The following SOD2 variants were observed in gnomAD, a reference collection of about 807,000 sequenced individuals.
SOD2 encodes the protein superoxide dismutase 2.
Under a neutral mutation model 27.0 loss-of-function variants are expected in SOD2, and 11 were observed. That is an observed-to-expected ratio of 0.41 (90% CI 0.26 to 0.67). The LOEUF is 0.67. Among genes scored for constraint, SOD2 ranks in the 30% least tolerant of loss-of-function variants. The pLI, the probability that SOD2 is intolerant of heterozygous loss-of-function variation, is 0.34. For missense variants in SOD2, 250 were observed against 274.5 expected (o/e 0.91, Z 0.63); for synonymous variants, 105 against 103.0 (o/e 1.02, Z -0.12).
rs1327642965 is a variant in SOD2, at chr6:159,676,904, TCAATGTTCTTTCCATGCCCACA to T, written c.*5567_*5588del. 1 of 151,912 alleles carries T rather than the reference TCAATGTTCTTTCCATGCCCACA, an allele frequency of 6.6e-6. No individual in the cohort carries two copies. Among genetic ancestry groups the T allele is most frequent in the Non-Finnish European group, 1.5e-5 (1 of 68,002 alleles). The allele number at this position is 151,912 out of a possible 1,614,324, so 9.4% of individuals were successfully genotyped here. A position where few individuals can be genotyped will look rare whatever the true frequency, so the allele number is the denominator to read the frequency against. On this transcript the variant is annotated 3_prime_UTR_variant, in exon 5 of 5. Coordinates refer to ENST00000538183, the MANE Select transcript of SOD2 (RefSeq NM_000636.4). ...GGACCCAGGTCTTCCAGTACCTAAT[TCAATGTTCTTTCCATGCCCACA>T]CAAAGGCAAGCAGCAGAAGGAGGAG...
At chr6:159,708,006 A>G (rs1777660354) in intron 1 of SOD2, among the ~76,000 whole-genome samples, 1 of 152,236 alleles carries the variant, frequency 6.6e-6, no homozygotes. Context: ...AAACAGAACC[A>G]AAGACAAAAA....
upstream of SOD2, chr6:159,748,135 C>G (rs544726322): frequency 3.3e-5 from 51 of 1,534,606 alleles, no homozygotes; most frequent in African/African-American, 6.5e-4. The surrounding 1 kb of genome is among the most constrained non-coding windows in gnomAD (Gnocchi z 5.6). Flanking sequence ...TTTTCCCCAC[C>G]TTCTTATGTA....
upstream of SOD2, among the ~76,000 whole-genome samples, chr6:159,729,252 G>A (rs914259634): frequency 5.9e-5 from 9 of 152,312 alleles, no homozygotes; most frequent in Admixed American, 1.3e-4. Context: ...TTGTACGTTA[G>A]TTAGTAGGTC....
intron 1 of SOD2, among the ~76,000 whole-genome samples, chr6:159,724,177 A>G (rs1778095130): frequency 6.6e-6 from 1 of 151,800 alleles, no homozygotes; most frequent in African/African-American, 2.4e-5. Context: ...TAAAAAATGG[A>G]GACAGGGTCT....
chr6:159,726,789 A>G (rs1220697341), intron 1 of SOD2: 1 of 1,289,096 alleles, frequency 7.8e-7, no homozygotes, highest in Non-Finnish European at 1.0e-6. Context: ...CCCAGCGGCC[A>G]GGAGACTGCG....
At chr6:159,711,613 A>C (rs1777770635) in intron 1 of SOD2, among the ~76,000 whole-genome samples, 1 of 122,400 alleles carries the variant, frequency 8.2e-6, no homozygotes, top group Non-Finnish European at 1.8e-5. Context: ...CTCCATAACC[A>C]CCACTCAGCT....
At chr6:159,719,726 A>ATTT (rs1397533301) in intron 1 of SOD2, among the ~76,000 whole-genome samples, 2 of 89,716 alleles carry the variant, frequency 2.2e-5, no homozygotes, top group East Asian at 3.0e-4. Context: ...TTTTTCTTTT[A>ATTT]TTTTCTTTTT....
At position 159,675,060 on chromosome 6, in the gene SOD2, A is replaced by C. The variant is rs1440113398; in HGVS notation, c.*7433T>G. The stretch of plus-strand genomic sequence containing the variant: ...TACAAGGGATGTGAAGGACCTCTTC[A>C]AGGAGAACTACAAACCACTGCTCAA... On this transcript the variant is annotated 3_prime_UTR_variant, in exon 5 of 5. Transcript: ENST00000538183. 6.6e-6 allele frequency: 1 copy of C among 152,186 alleles called. No individual in the cohort carries two copies. Among genetic ancestry groups the C allele is most frequent in the Admixed American group, 6.6e-5 (1 of 15,264 alleles). 9.4% of individuals were successfully genotyped at this position (152,186 alleles called of 1,614,324 possible). A position where few individuals can be genotyped will look rare whatever the true frequency, so the allele number is the denominator to read the frequency against.
chr6:159,710,067 T>C (rs1415098510), intron 1 of SOD2, among the ~76,000 whole-genome samples: 3 of 128,846 alleles, frequency 2.3e-5, no homozygotes, highest in Non-Finnish European at 4.7e-5. Context: ...AATTGAACAA[T>C]TGAACTTGGA....
At chr6:159,731,897 A>G (rs767058065), upstream of SOD2, among the ~76,000 whole-genome samples, 25 of 152,176 alleles carry the variant, frequency 1.6e-4, no homozygotes, top group Admixed American at 3.9e-4. Flanking sequence ...TTAAAAACAG[A>G]TTATCATCTC....
intron 1 of SOD2, among the ~76,000 whole-genome samples, chr6:159,753,964 A>G (rs1779914125): frequency 1.3e-5 from 2 of 152,196 alleles, no homozygotes; most frequent in Non-Finnish European, 2.9e-5. Flanking sequence ...GTTAAGTGTA[A>G]ATCTTAGAAA....
intron 1 of SOD2, among the ~76,000 whole-genome samples, chr6:159,733,963 A>G (rs977296269): frequency 6.6e-6 from 1 of 152,230 alleles, no homozygotes; most frequent in African/African-American, 2.4e-5. Flanking sequence ...GTAATCTAAG[A>G]TCAATTTATG....
In SOD2 at chr6:159,692,657, C is replaced by A; in HGVS notation, c.226+4G>T. On this transcript the variant is annotated splice_donor_region_variant and intron_variant, in intron 2 of 4. Coordinates refer to ENST00000538183, the MANE Select transcript of SOD2 (RefSeq NM_000636.4). Reference sequence around the variant, plus strand: ...TGCCTCCCGCCGCTCAGCCTGGAACCTACCCTTGGCCAACGCCTCCTGGTA... The same window carrying A: ...TGCCTCCCGCCGCTCAGCCTGGAACATACCCTTGGCCAACGCCTCCTGGTA... 2 of 1,613,836 alleles carry A rather than the reference C, an allele frequency of 1.2e-6. No individual in the cohort carries two copies. Among genetic ancestry groups the A allele is most frequent in the South Asian group, 2.2e-5 (2 of 91,020 alleles).
chr6:159,726,578 G>T, intron 1 of SOD2: 1 of 347,030 alleles, frequency 2.9e-6, no homozygotes, highest in East Asian at 8.1e-5. Flanking sequence ...CCATTACTCG[G>T]CGGTCCAGAT....
intron 1 of SOD2, among the ~76,000 whole-genome samples, chr6:159,700,184 A>G (rs540398461): frequency 6.6e-6 from 1 of 152,380 alleles, no homozygotes; most frequent in East Asian, 1.9e-4. Context: ...AACATATTTA[A>G]GAGTGGGACA....
Position 159,702,693 on chromosome 6 carries a change from AAAG to A in SOD2, c.-115-9833_-115-9831del, listed in dbSNP as rs1202297039. On this transcript the variant is annotated intron_variant, in intron 1 of 2. Transcript: ENST00000401980. ...AAAAAAAAAAAAGAAAGAAAGAAAG[AAAG>A]AAAAAAAAGCCAGGCATGGTGGTGT... is the stretch of plus-strand genomic sequence containing the variant. Among the ~76,000 whole-genome samples the A allele has an allele frequency of 6.7e-4, 99 of 148,706 alleles. 1 individual carries two copies. The highest frequency in any genetic ancestry group is 2.3e-3 in the African/African-American group (91 of 40,352).
In SOD2 at chr6:159,673,448, C is replaced by T. The variant is rs1364276931; in HGVS notation, c.*9045G>A. 6.6e-6 allele frequency: 1 copy of T among 152,168 alleles called. No individual in the cohort carries two copies. The highest frequency in any genetic ancestry group is 1.5e-5 in the Non-Finnish European group (1 of 68,036). 9.4% of individuals were successfully genotyped at this position (152,168 alleles called of 1,614,324 possible). On this transcript the variant is annotated 3_prime_UTR_variant, in exon 5 of 5. Transcript: ENST00000538183. ...AGAACTCAGGATTAAGAAACTCACT[C>T]AAAACCACTCAGCTACATGGAAACT...
At chr6:159,740,466 A>C (rs964491871) in intron 1 of SOD2, among the ~76,000 whole-genome samples, 1 of 152,086 alleles carries the variant, frequency 6.6e-6, no homozygotes, top group Non-Finnish European at 1.5e-5. Flanking sequence ...TGTGCCTTCT[A>C]TCCTTGTGAT....
Position 159,693,213 on chromosome 6 carries a change from C to G in SOD2, c.-46G>C, listed in dbSNP as rs1428132532. The G allele has an allele frequency of 6.6e-7, 1 of 1,503,876 alleles. No homozygotes were observed. The highest frequency in any genetic ancestry group is 8.9e-7 in the Non-Finnish European group (1 of 1,121,304). 93.2% of individuals were successfully genotyped at this position (1,503,876 alleles called of 1,614,324 possible). A position where few individuals can be genotyped will look rare whatever the true frequency, so the allele number is the denominator to read the frequency against. ...CGCTGATGCCGCCGATCTGCTGAAGCCGCTGCCGAAGCCACCACAGCCACG... is the reference window on the plus strand; with the variant it reads ...CGCTGATGCCGCCGATCTGCTGAAGGCGCTGCCGAAGCCACCACAGCCACG... On this transcript the variant is annotated 5_prime_UTR_variant, in exon 1 of 5. Coordinates refer to ENST00000538183, the MANE Select transcript of SOD2 (RefSeq NM_000636.4).
Sources: gnomAD v4.1 joint callset for allele counts (sites outside exome capture counted in the v4.1 genomes callset) on GRCh38, gnomAD v4.1.1 for gene constraint, Gnocchi (gnomAD v3.1) non-coding constraint, MANE v1.5 for transcripts, NCBI Gene and HGNC (gene_info 2026-07-23, HGNC 2026-07-21) for gene names.